The following HCN1 variants were observed in gnomAD, a reference collection of about 807,000 sequenced individuals.
The protein encoded by HCN1 is potassium/sodium hyperpolarization-activated cyclic nucleotide-gated channel 1.
HCN1 carries 13 observed loss-of-function variants against 78.9 expected under a neutral mutation model. The ratio of observed to expected loss-of-function variants is 0.16; its 90% confidence interval spans 0.11 to 0.26. HCN1 has a LOEUF of 0.26. Among genes scored for constraint, HCN1 ranks in the 10% least tolerant of loss-of-function variants. The probability of loss-of-function intolerance (pLI) is 1.00; values close to 1 mark genes in which losing one functional copy is unlikely to be tolerated. For synonymous variants in HCN1, 552 were observed against 455.5 expected (o/e 1.21, Z -2.70); for missense variants, 810 against 1,154.3 (o/e 0.70, Z 4.32).
chr5:45,516,525 C>A (rs1742519536), intron 2 of HCN1, among the ~76,000 whole-genome samples: 1 of 151,876 alleles, frequency 6.6e-6, no homozygotes, highest in Non-Finnish European at 1.5e-5. Flanking sequence ...AAACTTCCTC[C>A]AATTAAAATA....
At chr5:45,431,746 G>A (rs764956755) in intron 3 of HCN1, among the ~76,000 whole-genome samples, 1 of 151,950 alleles carries the variant, frequency 6.6e-6, no homozygotes, top group Non-Finnish European at 1.5e-5. Flanking sequence ...ATGATTATAG[G>A]TGTGTAGCAT....
chr5:45,374,020 T>TATATATATTATATATATA (rs1561130032), intron 4 of HCN1, among the ~76,000 whole-genome samples: 179 of 81,184 alleles, frequency 2.2e-3, no homozygotes, highest in African/African-American at 0.011. Flanking sequence ...TAATATATAT[T>TATATATATTATATATATA]ATATATATTA....
chr5:45,593,630 G>A (rs1024403260), intron 2 of HCN1, among the ~76,000 whole-genome samples: 15 of 125,750 alleles, frequency 1.2e-4, no homozygotes, highest in African/African-American at 4.0e-4. Flanking sequence ...TGGCTACAGC[G>A]GGGTAGCTAT....
chr5:45,412,274 A>C (rs1740038803), intron 3 of HCN1, among the ~76,000 whole-genome samples: 1 of 152,100 alleles, frequency 6.6e-6, no homozygotes, highest in South Asian at 2.1e-4. Context: ...GGCACTGGGA[A>C]TAAAGGTTAA....
chr5:45,533,272 C>A (rs760764862), intron 2 of HCN1, among the ~76,000 whole-genome samples: 1 of 152,004 alleles, frequency 6.6e-6, no homozygotes, highest in African/African-American at 2.4e-5. Flanking sequence ...CACTATAACT[C>A]AAAAATATAA....
chr5:45,676,823 T>C (rs184785616), intron 1 of HCN1, among the ~76,000 whole-genome samples: 1 of 151,926 alleles, frequency 6.6e-6, no homozygotes, highest in Admixed American at 6.6e-5. Flanking sequence ...AAGGTTGTGA[T>C]GACACATTAT....
At chr5:45,666,094 T>C (rs945540342) in intron 1 of HCN1, among the ~76,000 whole-genome samples, 1 of 152,062 alleles carries the variant, frequency 6.6e-6, no homozygotes, top group African/African-American at 2.4e-5. Context: ...TGAGCCACAG[T>C]CATTGTACTC....
intron 1 of HCN1, among the ~76,000 whole-genome samples, chr5:45,694,535 A>G (rs955307233): frequency 2.6e-5 from 4 of 152,216 alleles, no homozygotes; most frequent in African/African-American, 9.6e-5. Context: ...AGGCTGCTTT[A>G]CATTGCTATA....
At chr5:45,442,363 C>T (rs530221343) in intron 3 of HCN1, among the ~76,000 whole-genome samples, 11 of 152,132 alleles carry the variant, frequency 7.2e-5, no homozygotes, top group Admixed American at 6.5e-4. Context: ...TGTTCTCAAC[C>T]ATAAGAACAT....
intron 6 of HCN1, among the ~76,000 whole-genome samples, chr5:45,273,575 A>T (rs1423705332): frequency 6.6e-6 from 1 of 152,132 alleles, no homozygotes; most frequent in Non-Finnish European, 1.5e-5. Context: ...TCATGACAGA[A>T]ATTTCTAAAG....
At position 45,392,805 on chromosome 5, in the gene HCN1, C is replaced by T. The variant is rs188265610; in HGVS notation, c.1230+3687G>A. Among the ~76,000 whole-genome samples, 519 of 150,948 alleles carry T rather than the reference C, an allele frequency of 3.4e-3. 3 individuals are homozygous for T. The highest frequency in any genetic ancestry group is 5.9e-3 in the Non-Finnish European group (397 of 67,744). On this transcript the variant is annotated intron_variant, in intron 4 of 7. Coordinates refer to ENST00000303230, the MANE Select transcript of HCN1 (RefSeq NM_021072.4). The stretch of plus-strand genomic sequence containing the variant: ...CATCTCAAAGAAAAAAAAAAAAAGC[C>T]ATCACATAAACTCTTTCCAAGATTA...
At chr5:45,583,436 C>T (rs1277110549) in intron 2 of HCN1, among the ~76,000 whole-genome samples, 1 of 152,052 alleles carries the variant, frequency 6.6e-6, no homozygotes, top group Non-Finnish European at 1.5e-5. Context: ...ATTAGTCTTG[C>T]TAGCAGTCCA....
Position 45,517,520 on chromosome 5 carries a change from T to TAAAAAAAA in HCN1, c.850-55521_850-55514dup, listed in dbSNP as rs773490588. 2.6e-3 allele frequency among the ~76,000 whole-genome samples: 243 copies of TAAAAAAAA among 94,366 alleles called. 4 individuals are homozygous for TAAAAAAAA. The highest frequency in any genetic ancestry group is 9.6e-3 in the African/African-American group (231 of 24,046). The allele number at this position is 94,366 out of a possible 152,430, so 61.9% of individuals were successfully genotyped here. ...AGAGATTGTATTCCCAATTTCCCCTTAAAAAAAAAAAAAAAAAAAAAAAAC... is the reference window on the plus strand; with the variant it reads ...AGAGATTGTATTCCCAATTTCCCCTTAAAAAAAAAAAAAAAAAAAAAAAAAAAAAAAAC... On this transcript the variant is annotated intron_variant, in intron 2 of 7. Coordinates refer to ENST00000303230, the MANE Select transcript of HCN1 (RefSeq NM_021072.4).
At chr5:45,329,609 T>C (rs1430782617) in intron 5 of HCN1, among the ~76,000 whole-genome samples, 1 of 151,466 alleles carries the variant, frequency 6.6e-6, no homozygotes, top group Non-Finnish European at 1.5e-5. Context: ...ATGAAACAAA[T>C]GATCATAGAA....
chr5:45,499,601 C>G (rs1363463921), intron 2 of HCN1, among the ~76,000 whole-genome samples: 1 of 152,150 alleles, frequency 6.6e-6, no homozygotes, highest in East Asian at 1.9e-4. Context: ...TTTTGGCCAT[C>G]TTGGCTCCTC....
intron 1 of HCN1, among the ~76,000 whole-genome samples, chr5:45,648,505 T>C (rs2112036822): frequency 6.6e-6 from 1 of 152,242 alleles, no homozygotes; most frequent in Admixed American, 6.5e-5. Flanking sequence ...TATGCTTACA[T>C]AATATTGTCT....
chr5:45,521,372 T>C (rs1472455908), intron 2 of HCN1, among the ~76,000 whole-genome samples: 3 of 151,902 alleles, frequency 2.0e-5, no homozygotes, highest in Non-Finnish European at 2.9e-5. Context: ...AGAAATTTAT[T>C]GTATCACAGT....
Position 45,303,619 on chromosome 5 carries a change from G to A in HCN1, c.1598C>T (p.Thr533Ile). Residue 533 changes from threonine (T) to isoleucine (I), a missense_variant, in exon 6 of 8, where the codon ACA becomes ATA. Transcript: ENST00000303230. ...ITKSSKEMKL[T>I]DGSYFGEICL... Reference sequence around the variant, plus strand: ...CTAACCTCCAAAGTAAGAGCCATCTGTCAGCTTCATTTCTTTACTGGATTT... The same window carrying A: ...CTAACCTCCAAAGTAAGAGCCATCTATCAGCTTCATTTCTTTACTGGATTT... 1 of 1,613,302 alleles carries A rather than the reference G, an allele frequency of 6.2e-7. No homozygotes were observed. The highest frequency in any genetic ancestry group is 2.2e-5 in the East Asian group (1 of 44,820).
rs183210242 is a variant in HCN1 at position 45,435,698 on chromosome 5, G to A, written c.1011+26148C>T. 2.0e-3 allele frequency among the ~76,000 whole-genome samples: 309 copies of A among 152,246 alleles called. 2 individuals carry two copies. The highest frequency in any genetic ancestry group is 7.1e-3 in the African/African-American group (296 of 41,558). ...AAGAGAAGAAGAAAAGATATTAAAT[G>A]AGACTTTGATAAGCTGGAATCTACT... On this transcript the variant is annotated intron_variant, in intron 3 of 7. Coordinates refer to ENST00000303230, the MANE Select transcript of HCN1 (RefSeq NM_021072.4).
Sources: gnomAD v4.1 joint callset for allele counts (sites outside exome capture counted in the v4.1 genomes callset) on GRCh38, gnomAD v4.1.1 for gene constraint, MANE v1.5 for transcripts, NCBI Gene and HGNC (gene_info 2026-07-23, HGNC 2026-07-21) for gene names.